Variants in LDLRAD4 observed in about 807,000 individuals in gnomAD.
LDLRAD4 encodes low density lipoprotein receptor class A domain containing 4.
Under a neutral mutation model 17.0 loss-of-function variants are expected in LDLRAD4, and 5 were observed. The observed-to-expected ratio is 0.29, with a 90% CI of 0.15 to 0.62. The LOEUF (loss-of-function observed/expected upper bound fraction) is 0.62. LDLRAD4 is among the 20% of genes least tolerant of loss of function. LDLRAD4 has a pLI of 0.84. For synonymous variants in LDLRAD4, 168 were observed against 171.8 expected (o/e 0.98, Z 0.17); for missense variants, 340 against 424.7 (o/e 0.80, Z 1.75).
chr18:13,427,013 G>A (rs567262088), intron 2 of LDLRAD4, among the ~76,000 whole-genome samples: 31 of 151,974 alleles, frequency 2.0e-4, no homozygotes, highest in Middle Eastern at 3.4e-3. Flanking sequence ...GTGAAACCCC[G>A]TCTCTACTAA....
rs192977460 is a variant in LDLRAD4 at position 13,640,233 on chromosome 18, C to A, written c.337-3126C>A. Reference sequence around the variant, plus strand: ...GCGTGAACCCGGGAGGCGGAGCTTGCAGTGAGCCGAGATCCCGCCCCTGCA... The same window carrying A: ...GCGTGAACCCGGGAGGCGGAGCTTGAAGTGAGCCGAGATCCCGCCCCTGCA... On this transcript the variant is annotated intron_variant, in intron 4 of 5. Transcript: ENST00000359446. Among the ~76,000 whole-genome samples the A allele has an allele frequency of 6.0e-3, 816 of 137,098 alleles. 8 individuals are homozygous for A. The highest frequency in any genetic ancestry group is 0.028 in the East Asian group (132 of 4,668). The allele number at this position is 137,098 out of a possible 152,430, so 89.9% of individuals were successfully genotyped here.
intron 3 of LDLRAD4, among the ~76,000 whole-genome samples, chr18:13,511,368 C>T (rs182205224): frequency 4.6e-5 from 7 of 152,146 alleles, no homozygotes; most frequent in East Asian, 3.9e-4. Context: ...AAAAATTAGC[C>T]GGGCATGGTC....
intron 3 of LDLRAD4, among the ~76,000 whole-genome samples, chr18:13,548,071 A>G (rs2094389786): frequency 6.6e-6 from 1 of 152,204 alleles, no homozygotes; most frequent in Non-Finnish European, 1.5e-5. Flanking sequence ...ATCCACAGGC[A>G]GGTCATTCTG....
chr18:13,259,036 C>T (rs147583359), intron 1 of LDLRAD4, among the ~76,000 whole-genome samples: 3 of 152,360 alleles, frequency 2.0e-5, no homozygotes, highest in Non-Finnish European at 2.9e-5. Flanking sequence ...GTGCTCCATT[C>T]GGGATGACTG....
chr18:13,267,860 G>T (rs911011683), intron 1 of LDLRAD4, among the ~76,000 whole-genome samples: 2 of 152,152 alleles, frequency 1.3e-5, no homozygotes, highest in African/African-American at 4.8e-5. Context: ...TTGACTTAAG[G>T]TAACATGGGC....
chr18:13,597,566 G>A (rs577015370), intron 3 of LDLRAD4, among the ~76,000 whole-genome samples: 4 of 151,732 alleles, frequency 2.6e-5, no homozygotes, highest in South Asian at 4.2e-4. Flanking sequence ...ATGTTGGTGT[G>A]ATTAATGATG....
intron 3 of LDLRAD4, among the ~76,000 whole-genome samples, chr18:13,479,655 C>T (rs1340508280): frequency 7.0e-6 from 1 of 142,494 alleles, no homozygotes; most frequent in African/African-American, 2.5e-5. Context: ...AGAAAAGCCA[C>T]AGACTAGAGG....
intron 3 of LDLRAD4, among the ~76,000 whole-genome samples, chr18:13,456,108 G>T (rs759756851): frequency 1.3e-5 from 2 of 152,128 alleles, no homozygotes; most frequent in African/African-American, 4.8e-5. Flanking sequence ...AAGAACTAAG[G>T]GACATCTTGT....
chr18:13,380,644 A>C (rs560602150), intron 1 of LDLRAD4, among the ~76,000 whole-genome samples: 8 of 152,238 alleles, frequency 5.3e-5, no homozygotes, highest in Non-Finnish European at 1.0e-4. Flanking sequence ...GTTTGAATAT[A>C]GCCTCAGGAT....
chr18:13,602,778 A>G (rs1312708822), intron 3 of LDLRAD4, among the ~76,000 whole-genome samples: 1 of 152,094 alleles, frequency 6.6e-6, no homozygotes, highest in Non-Finnish European at 1.5e-5. Context: ...AAAAAGAAGA[A>G]AAACTAGAAA....
intron 3 of LDLRAD4, chr18:13,614,084 A>G (rs1281052277): frequency 6.6e-6 from 1 of 152,240 alleles, no homozygotes; most frequent in Non-Finnish European, 1.5e-5. Context: ...GTTTGGGAGA[A>G]TACGTGTCTG....
chr18:13,549,892 G>A (rs1284409), intron 3 of LDLRAD4, among the ~76,000 whole-genome samples: 142,724 of 152,250 alleles, frequency 0.94, 67,017 homozygotes, highest in East Asian at 1. Context: ...AGGCACCACC[G>A]CTTTAGAAGC....
At chr18:13,564,580 TAAAA>T (rs367805996) in intron 3 of LDLRAD4, among the ~76,000 whole-genome samples, 1,912 of 82,466 alleles carry the variant, frequency 0.023, 28 homozygotes, top group Admixed American at 0.069. Context: ...TCCCATTTTC[TAAAA>T]AAAAAAAAAA....
intron 3 of LDLRAD4, among the ~76,000 whole-genome samples, chr18:13,499,634 C>T (rs2093576951): frequency 6.6e-6 from 1 of 151,130 alleles, no homozygotes; most frequent in Admixed American, 6.6e-5. Flanking sequence ...TACTCACACA[C>T]GTCCCGCTGT....
chr18:13,506,695 T>C (rs1451324042), intron 3 of LDLRAD4, among the ~76,000 whole-genome samples: 1 of 152,222 alleles, frequency 6.6e-6, no homozygotes, highest in Non-Finnish European at 1.5e-5. Context: ...ATGTAGGATT[T>C]TCATAGCTGG....
chr18:13,480,834 T>C (rs947117064), intron 3 of LDLRAD4, among the ~76,000 whole-genome samples: 4 of 152,030 alleles, frequency 2.6e-5, no homozygotes, highest in African/African-American at 9.7e-5. Context: ...TGACCTGGAG[T>C]AGGAAGTGGA....
At chr18:13,225,109 T>C (rs562601143) in intron 1 of LDLRAD4, among the ~76,000 whole-genome samples, 2 of 152,348 alleles carry the variant, frequency 1.3e-5, no homozygotes, top group East Asian at 3.9e-4. Context: ...GTGCTGGGAT[T>C]ACAGGTGTGA....
chr18:13,223,679 G>A (rs1188396984), intron 1 of LDLRAD4, among the ~76,000 whole-genome samples: 2 of 152,188 alleles, frequency 1.3e-5, no homozygotes, highest in Non-Finnish European at 2.9e-5. Context: ...CAGGGCACGT[G>A]GGCAGATAAT....
At chr18:13,452,324 C>T (rs8095523) in intron 3 of LDLRAD4, among the ~76,000 whole-genome samples, 115,933 of 151,934 alleles carry the variant, frequency 0.76, 47,188 homozygotes, top group South Asian at 0.91. Context: ...ACCCTCCTTG[C>T]AGCGCTTGGA....
Sources: allele counts gnomAD v4.1 joint callset (sites outside exome capture counted in the v4.1 genomes callset), GRCh38; gene constraint gnomAD v4.1.1; transcripts MANE v1.5; gene names NCBI Gene and HGNC (gene_info 2026-07-23, HGNC 2026-07-21).